The following TIAM1 variants were observed in gnomAD, a reference collection of about 807,000 sequenced individuals.
TIAM1 encodes TIAM Rac1 associated GEF 1.
TIAM1 carries 65 observed loss-of-function variants against 163.5 expected under a neutral mutation model. That is an observed-to-expected ratio of 0.40 (90% CI 0.33 to 0.49). The LOEUF is 0.49. Among genes scored for constraint, TIAM1 ranks in the 20% least tolerant of loss-of-function variants. The pLI, the probability that TIAM1 is intolerant of heterozygous loss-of-function variation, is 0.77. For missense variants in TIAM1, 1,789 were observed against 2,044.7 expected, an observed-to-expected ratio of 0.87 and a Z score of 2.41; for synonymous variants, 833 against 810.1, an observed-to-expected ratio of 1.03 and a Z score of -0.48.
At chr21:31,458,209 C>T (rs1459369338) in intron 2 of TIAM1, among the ~76,000 whole-genome samples, 1 of 152,144 alleles carries the variant, frequency 6.6e-6, no homozygotes, top group Non-Finnish European at 1.5e-5. Context: ...CACCTAAGGT[C>T]AGGAGTTCAA....
At chr21:31,459,107 T>G (rs1354327843) in intron 2 of TIAM1, among the ~76,000 whole-genome samples, 1 of 140,246 alleles carries the variant, frequency 7.1e-6, no homozygotes, top group African/African-American at 2.7e-5. Flanking sequence ...TAAGGAGACT[T>G]GATTGCTATT....
At chr21:31,133,606 G>T (rs1180780014) in intron 23 of TIAM1, among the ~76,000 whole-genome samples, 1 of 152,224 alleles carries the variant, frequency 6.6e-6, no homozygotes, top group Non-Finnish European at 1.5e-5. Flanking sequence ...TACACCATGG[G>T]TTGGCAAACA....
At chr21:31,147,119 G>A (rs2083157011) in intron 19 of TIAM1, 116 bp from the exon 20 acceptor site, 6 of 793,226 alleles carry the variant, frequency 7.6e-6, no homozygotes, top group Admixed American at 2.1e-5. Context: ...AACATCTTCC[G>A]TGCCTGTCAG....
At chr21:31,148,374 T>C (rs898562887) in intron 19 of TIAM1, among the ~76,000 whole-genome samples, 1 of 152,078 alleles carries the variant, frequency 6.6e-6, no homozygotes, top group African/African-American at 2.4e-5. Flanking sequence ...TAAAGGGCGG[T>C]TCCCCTGCAC....
At chr21:31,184,019 G>A (rs1022990440) in intron 14 of TIAM1, among the ~76,000 whole-genome samples, 3 of 152,164 alleles carry the variant, frequency 2.0e-5, no homozygotes, top group Non-Finnish European at 4.4e-5. Context: ...CACGATCTTG[G>A]CTCACTGCAA....
intron 15 of TIAM1, among the ~76,000 whole-genome samples, chr21:31,179,930 G>A (rs1381274686): frequency 3.8e-4 from 54 of 140,372 alleles, no homozygotes; most frequent in Admixed American, 9.7e-4. Context: ...TTTTGAGACG[G>A]AATCTTGCTC....
chr21:31,180,269 AC>A (rs1245352529), intron 15 of TIAM1, among the ~76,000 whole-genome samples: 1 of 152,092 alleles, frequency 6.6e-6, no homozygotes, highest in African/African-American at 2.4e-5. Flanking sequence ...CCTTAAAAAA[AC>A]AAATTGTGAG....
intron 2 of TIAM1, among the ~76,000 whole-genome samples, chr21:31,312,839 C>G (rs1293878342): frequency 6.6e-6 from 1 of 151,958 alleles, no homozygotes; most frequent in Non-Finnish European, 1.5e-5. Context: ...TATAGCCAGA[C>G]AGAATGACGG....
intron 2 of TIAM1, among the ~76,000 whole-genome samples, chr21:31,421,754 C>T (rs2043582091): frequency 6.6e-6 from 1 of 152,098 alleles, no homozygotes; most frequent in Non-Finnish European, 1.5e-5. Flanking sequence ...TTGTGGAAGG[C>T]CATGGCAGGA....
chr21:31,130,854 T>C (rs768139284), intron 24 of TIAM1, 36 bp downstream of exon 24: 6 of 1,589,870 alleles, frequency 3.8e-6, no homozygotes, highest in East Asian at 2.2e-5. Flanking sequence ...GATAGAGAAA[T>C]AGTTTCAAAC....
intron 2 of TIAM1, among the ~76,000 whole-genome samples, chr21:31,456,730 T>C (rs1231008771): frequency 6.6e-6 from 1 of 152,224 alleles, no homozygotes; most frequent in East Asian, 1.9e-4. Context: ...CTTATTTATT[T>C]TGAAGAAAAT....
In TIAM1 at chr21:31,152,765, G is replaced by A; in HGVS notation, c.3241-4C>T. 2 of 1,613,648 alleles carry A rather than the reference G, an allele frequency of 1.2e-6. No homozygotes were observed. The highest frequency in any genetic ancestry group is 1.7e-6 in the Non-Finnish European group (2 of 1,179,854). On this transcript the variant is annotated splice_region_variant and splice_polypyrimidine_tract_variant and intron_variant, in intron 18 of 27. Transcript: ENST00000541036. Reference sequence around the variant, plus strand: ...AATTTCCAAAAAGCACGTCAAGCTAGAAATAAAACAGAATTTAATGCACCT... The same window carrying A: ...AATTTCCAAAAAGCACGTCAAGCTAAAAATAAAACAGAATTTAATGCACCT...
intron 2 of TIAM1, among the ~76,000 whole-genome samples, chr21:31,429,519 G>C (rs35862609): frequency 0.046 from 6,973 of 152,294 alleles, 240 homozygotes; most frequent in East Asian, 0.13. Flanking sequence ...AGGCGGAGGG[G>C]TGTGCCCTGC....
At chr21:31,295,890 C>T (rs1221385857) in intron 2 of TIAM1, among the ~76,000 whole-genome samples, 3 of 152,104 alleles carry the variant, frequency 2.0e-5, no homozygotes, top group Admixed American at 1.3e-4. Flanking sequence ...CTCCGCCTCC[C>T]GAGTTCAAGC....
Position 31,195,312 on chromosome 21 carries a change from G to C in TIAM1, c.2494-7C>G, listed in dbSNP as rs1315684409. 6.3e-7 allele frequency: 1 copy of C among 1,592,880 alleles called. No homozygotes were observed. The highest frequency in any genetic ancestry group is 8.6e-7 in the Non-Finnish European group (1 of 1,164,222). ...TTTCAATTTCTTTGTACAGCTGAAA[G>C]TTACAAAGGGGAATCTAATTAGAAT... On this transcript the variant is annotated splice_region_variant and splice_polypyrimidine_tract_variant and intron_variant, in intron 12 of 27. Transcript: ENST00000541036.
At position 31,155,721 on chromosome 21, in the gene TIAM1, G is replaced by A. The variant is rs187696926; in HGVS notation, c.2992-1295C>T. On this transcript the variant is annotated intron_variant, in intron 16 of 27. Transcript: ENST00000541036. Reference sequence around the variant, plus strand: ...GGATTTCAACATGTTGGCCAGGATGGTCTCAATCTGACCTTGTGATCCACC... The same window carrying A: ...GGATTTCAACATGTTGGCCAGGATGATCTCAATCTGACCTTGTGATCCACC... 2.7e-3 allele frequency among the ~76,000 whole-genome samples: 416 copies of A among 152,114 alleles called. 1 individual carries two copies. Among genetic ancestry groups the A allele is most frequent in the Admixed American group, 5.4e-3 (82 of 15,278 alleles).
rs116420625 is a variant in TIAM1 at position 31,216,025 on chromosome 21, G to A, written c.2142+1528C>T. Among the ~76,000 whole-genome samples, 472 of 152,242 alleles carry A rather than the reference G, an allele frequency of 3.1e-3. 5 individuals are homozygous for A. Among genetic ancestry groups the A allele is most frequent in the African/African-American group, 0.011 (444 of 41,532 alleles). On this transcript the variant is annotated intron_variant, in intron 9 of 27. Transcript: ENST00000541036. ...AAAATATAAAAATAATAAGCTATTAGCTGCACGTGGTGGTGAGTGCCTGTA... is the reference window on the plus strand; with the variant it reads ...AAAATATAAAAATAATAAGCTATTAACTGCACGTGGTGGTGAGTGCCTGTA...
chr21:31,165,094 G>T (rs1464972235), intron 15 of TIAM1, 29 bp from the exon 16 acceptor site: 1 of 1,608,634 alleles, frequency 6.2e-7, no homozygotes. Flanking sequence ...AGAAAATGTG[G>T]GTCAACATGG....
intron 2 of TIAM1, among the ~76,000 whole-genome samples, chr21:31,389,460 C>G (rs1341356405): frequency 1.3e-5 from 2 of 152,166 alleles, no homozygotes. Context: ...CTGCCTGCCT[C>G]GGCCTCCCAA....
Sources: gnomAD v4.1 joint callset for allele counts (sites outside exome capture counted in the v4.1 genomes callset) on GRCh38, gnomAD v4.1.1 for gene constraint, MANE v1.5 for transcripts, NCBI Gene and HGNC (gene_info 2026-07-23, HGNC 2026-07-21) for gene names.